Variants in ASIC2 observed in about 807,000 individuals in gnomAD.
ASIC2 encodes the protein acid sensing ion channel subunit 2.
Under a neutral mutation model 57.3 loss-of-function variants are expected in ASIC2, and 25 were observed. The observed-to-expected ratio is 0.44, with a 90% CI of 0.32 to 0.61. The LOEUF is 0.61. ASIC2 is among the 20% of genes least tolerant of loss of function. The probability of loss-of-function intolerance (pLI) is 0.06; values close to 1 mark genes in which losing one functional copy is unlikely to be tolerated. For missense variants in ASIC2, 641 were observed against 738.1 expected (o/e 0.87, Z 1.52); for synonymous variants, 319 against 307.5 (o/e 1.04, Z -0.39).
At chr17:33,618,313 C>T (rs1453487471) in intron 1 of ASIC2, among the ~76,000 whole-genome samples, 1 of 151,974 alleles carries the variant, frequency 6.6e-6, no homozygotes, top group Non-Finnish European at 1.5e-5. Context: ...CTCAGCCTCC[C>T]AAGTAGCTGA....
chr17:33,827,337 C>CTTTTTTTTTTTGTTTTTTTTTTTTTT (rs1912955186), intron 1 of ASIC2, among the ~76,000 whole-genome samples: 1 of 76,536 alleles, frequency 1.3e-5, no homozygotes, highest in African/African-American at 5.0e-5. Flanking sequence ...GCAGCTCACT[C>CTTTTTTTTTTTGTTTTTTTTTTTTTT]TTTTTTTTTT....
intron 1 of ASIC2, among the ~76,000 whole-genome samples, chr17:33,486,954 C>T (rs1443439518): frequency 6.6e-6 from 1 of 152,156 alleles, no homozygotes. Context: ...CAGCCCAGTC[C>T]TAGGTGGAGG....
intron 1 of ASIC2, among the ~76,000 whole-genome samples, chr17:33,837,709 C>T (rs1215880660): frequency 6.6e-6 from 1 of 152,158 alleles, no homozygotes; most frequent in East Asian, 1.9e-4. Flanking sequence ...GGGCTTAAAT[C>T]TGTTAACAAC....
intron 1 of ASIC2, chr17:34,038,147 A>G: frequency 6.2e-7 from 1 of 1,612,996 alleles, no homozygotes; most frequent in Non-Finnish European, 8.5e-7. Context: ...TTCTAAAAGA[A>G]TATTACCTGG....
At chr17:33,975,034 T>A (rs12938968) in intron 1 of ASIC2, among the ~76,000 whole-genome samples, 2,770 of 152,356 alleles carry the variant, frequency 0.018, 106 homozygotes, top group African/African-American at 0.062. Context: ...CAGACATTTG[T>A]GTCTGCTTTA....
In ASIC2 at chr17:33,175,964, C is replaced by T. The variant is rs1905738907; in HGVS notation, c.709-63897G>A. 2.0e-5 allele frequency among the ~76,000 whole-genome samples: 3 copies of T among 152,198 alleles called. No homozygotes were observed. In the South Asian group the frequency reaches 6.2e-4, roughly 32 times the overall value. On this transcript the variant is annotated intron_variant, in intron 1 of 9. Transcript: ENST00000225823. Reference sequence around the variant, plus strand: ...TGGACATCCCTCTACAGTCCAGTGCCTGCTTTTGTCTCTGTGCCTTGTGCT... The same window carrying T: ...TGGACATCCCTCTACAGTCCAGTGCTTGCTTTTGTCTCTGTGCCTTGTGCT...
intron 1 of ASIC2, among the ~76,000 whole-genome samples, chr17:33,240,993 C>A (rs1597646692): frequency 6.6e-6 from 1 of 152,136 alleles, no homozygotes; most frequent in Admixed American, 6.5e-5. Flanking sequence ...TTGGCATGTA[C>A]ATTATCTCAC....
At position 34,029,127 on chromosome 17, in the gene ASIC2, G is replaced by C. The variant is rs1368435840; in HGVS notation, c.555+126851C>G. 2.6e-5 allele frequency among the ~76,000 whole-genome samples: 4 copies of C among 151,856 alleles called. No individual in the cohort carries two copies. The East Asian group carries it at 7.8e-4, about 29-fold the overall frequency. On this transcript the variant is annotated intron_variant, in intron 1 of 9. Coordinates refer to the ASIC2 transcript ENST00000359872. ...AATTTAAACTATTCCTCGCTATGTG[G>C]CATTCTCAATCCATTCCTTTACTTT...
chr17:33,994,619 C>T (rs190454547), intron 1 of ASIC2, among the ~76,000 whole-genome samples: 100 of 152,206 alleles, frequency 6.6e-4, no homozygotes, highest in African/African-American at 2.3e-3. Flanking sequence ...CAGCAACGTG[C>T]GAAGTTAGCT....
At chr17:34,016,886 A>AT (rs1906999345) in intron 1 of ASIC2, among the ~76,000 whole-genome samples, 1 of 152,254 alleles carries the variant, frequency 6.6e-6, no homozygotes, top group African/African-American at 2.4e-5. Flanking sequence ...AGCCTAAGAT[A>AT]TTCATCAGGA....
chr17:33,250,000 A>C (rs1030099053), intron 1 of ASIC2, among the ~76,000 whole-genome samples: 1 of 152,140 alleles, frequency 6.6e-6, no homozygotes, highest in African/African-American at 2.4e-5. Flanking sequence ...GGAAACAAAG[A>C]GGGCATTGGG....
intron 1 of ASIC2, among the ~76,000 whole-genome samples, chr17:33,346,291 A>C (rs960815100): frequency 6.6e-6 from 1 of 151,298 alleles, no homozygotes; most frequent in South Asian, 2.1e-4. Flanking sequence ...ACACCTATGT[A>C]CATTTTCCAA....
intron 1 of ASIC2, among the ~76,000 whole-genome samples, chr17:33,676,828 G>C (rs1297806000): frequency 6.6e-6 from 1 of 152,092 alleles, no homozygotes; most frequent in Non-Finnish European, 1.5e-5. Flanking sequence ...ACGTTGAGTT[G>C]TCCCTCCCAT....
chr17:33,579,727 A>T (rs967846833), intron 1 of ASIC2, among the ~76,000 whole-genome samples: 1 of 152,228 alleles, frequency 6.6e-6, no homozygotes, highest in Non-Finnish European at 1.5e-5. Flanking sequence ...TGTTAAAAGT[A>T]GTGCGGACCC....
chr17:33,411,284 G>A (rs932789845), intron 1 of ASIC2, among the ~76,000 whole-genome samples: 4 of 152,074 alleles, frequency 2.6e-5, no homozygotes, highest in African/African-American at 7.2e-5. Flanking sequence ...GGATTATATG[G>A]TTGTTACCAT....
intron 1 of ASIC2, among the ~76,000 whole-genome samples, chr17:33,240,554 C>A (rs1203742003): frequency 6.6e-6 from 1 of 152,226 alleles, no homozygotes; most frequent in Admixed American, 6.5e-5. Flanking sequence ...AGGCACTGTG[C>A]AGCTCAGACG....
chr17:33,774,392 C>T (rs1159867597), intron 1 of ASIC2, among the ~76,000 whole-genome samples: 3 of 152,030 alleles, frequency 2.0e-5, no homozygotes, highest in African/African-American at 7.2e-5. Context: ...GGAAAGAGTG[C>T]TGTGATTGAT....
intron 1 of ASIC2, among the ~76,000 whole-genome samples, chr17:33,684,936 G>A (rs1026671015): frequency 2.0e-5 from 3 of 152,260 alleles, no homozygotes; most frequent in Admixed American, 6.5e-5. Flanking sequence ...GATATTATGC[G>A]GAAGTCTAGG....
At chr17:33,610,489 C>T (rs1052112522) in intron 1 of ASIC2, among the ~76,000 whole-genome samples, 1 of 152,152 alleles carries the variant, frequency 6.6e-6, no homozygotes, top group African/African-American at 2.4e-5. Context: ...GCCTCTTAAC[C>T]TGGGCTCCTT....
Sources: gnomAD v4.1 joint callset for allele counts (sites outside exome capture counted in the v4.1 genomes callset) on GRCh38, gnomAD v4.1.1 for gene constraint, MANE v1.5 for transcripts, NCBI Gene and HGNC (gene_info 2026-07-23, HGNC 2026-07-21) for gene names.